Variants in GRM1 observed in about 807,000 individuals in gnomAD.
GRM1 encodes metabotropic glutamate receptor 1.
GRM1 carries 33 observed loss-of-function variants against 90.9 expected under a neutral mutation model. The observed-to-expected ratio is 0.36, with a 90% CI of 0.28 to 0.49. GRM1 has a LOEUF of 0.49. Among genes scored for constraint, GRM1 ranks in the 20% least tolerant of loss-of-function variants. The probability of loss-of-function intolerance (pLI) is 0.99; values close to 1 mark genes in which losing one functional copy is unlikely to be tolerated. For synonymous variants in GRM1, 700 were observed against 613.2 expected, an observed-to-expected ratio of 1.14 and a Z score of -2.09; for missense variants, 1,190 against 1,534.3, an observed-to-expected ratio of 0.78 and a Z score of 3.75.
intron 5 of GRM1, among the ~76,000 whole-genome samples, chr6:146,371,694 C>T (rs1156590596): frequency 1.3e-5 from 2 of 152,028 alleles, no homozygotes; most frequent in African/African-American, 2.4e-5. Context: ...TTAGATCCCG[C>T]AGATAAGTGG....
intron 2 of GRM1, among the ~76,000 whole-genome samples, chr6:146,296,939 T>A (rs1157240458): frequency 6.6e-6 from 1 of 152,210 alleles, no homozygotes; most frequent in Non-Finnish European, 1.5e-5. Flanking sequence ...ATCTTTCACA[T>A]CACCAGATGG....
chr6:146,285,613 G>T (rs1211672727), intron 2 of GRM1, among the ~76,000 whole-genome samples: 1 of 152,086 alleles, frequency 6.6e-6, no homozygotes, highest in Non-Finnish European at 1.5e-5. Flanking sequence ...TGAAAGCTAT[G>T]CTATTCTTAT....
chr6:146,295,969 C>T (rs1343544392), intron 2 of GRM1, among the ~76,000 whole-genome samples: 2 of 152,228 alleles, frequency 1.3e-5, no homozygotes, highest in Non-Finnish European at 1.5e-5. Flanking sequence ...GTGAGAACAT[C>T]CGGTATTTGG....
At chr6:146,309,969 G>A (rs971474243) in intron 3 of GRM1, among the ~76,000 whole-genome samples, 34 of 152,186 alleles carry the variant, frequency 2.2e-4, no homozygotes, top group African/African-American at 7.2e-4. Flanking sequence ...CCTCAGTGAA[G>A]TTATAGCCAT....
intron 2 of GRM1, among the ~76,000 whole-genome samples, chr6:146,177,941 T>C (rs1434876467): frequency 1.3e-5 from 2 of 152,178 alleles, no homozygotes; most frequent in Non-Finnish European, 2.9e-5. Flanking sequence ...GAAAAACTGC[T>C]AAGATAGGTC....
chr6:146,360,350 G>T (rs1239441716), intron 5 of GRM1, among the ~76,000 whole-genome samples: 1 of 151,890 alleles, frequency 6.6e-6, no homozygotes, highest in Admixed American at 6.5e-5. Flanking sequence ...AATATCTCAT[G>T]GAAGAAGAGA....
chr6:146,129,201 A>T (rs891936795), intron 1 of GRM1, among the ~76,000 whole-genome samples: 1 of 152,214 alleles, frequency 6.6e-6, no homozygotes, highest in Admixed American at 6.5e-5. Context: ...ATTTAACCAA[A>T]TAGCAATATA....
At chr6:146,074,530 C>G (rs181216764) in intron 1 of GRM1, among the ~76,000 whole-genome samples, 99 of 152,238 alleles carry the variant, frequency 6.5e-4, no homozygotes, top group Non-Finnish European at 1.1e-3. Flanking sequence ...ATGGATTTGT[C>G]AGTCGTGGGA....
rs1022027100 is a variant in GRM1, at chr6:146,435,212, C to T, written c.*416C>T. 3.0e-6 allele frequency: 1 copy of T among 331,424 alleles called. No individual in the cohort carries two copies. The highest frequency in any genetic ancestry group is 5.8e-6 in the Non-Finnish European group (1 of 172,120). The allele number at this position is 331,424 out of a possible 1,614,324, so 20.5% of individuals were successfully genotyped here. On this transcript the variant is annotated 3_prime_UTR_variant, in exon 8 of 8. Coordinates refer to ENST00000282753, the MANE Select transcript of GRM1 (RefSeq NM_001278064.2). ...GAACAGCCCACGTGGACATGCCAGT[C>T]GGATCATGAGTTCACCTGATGGCAT...
intron 2 of GRM1, among the ~76,000 whole-genome samples, chr6:146,183,490 A>T (rs944747687): frequency 2.0e-5 from 3 of 152,178 alleles, no homozygotes; most frequent in Non-Finnish European, 1.5e-5. Flanking sequence ...GGTAGAGGAG[A>T]TATATTAACT....
At chr6:146,184,277 A>G (rs1044354722) in intron 2 of GRM1, among the ~76,000 whole-genome samples, 1 of 152,132 alleles carries the variant, frequency 6.6e-6, no homozygotes, top group African/African-American at 2.4e-5. Context: ...CATTTCACTT[A>G]ATTTCCCTCC....
At chr6:146,426,465 A>G (rs1778214569) in intron 7 of GRM1, 1 of 1,142,426 alleles carries the variant, frequency 8.8e-7, no homozygotes, top group Non-Finnish European at 1.3e-6. Context: ...AGCAAGGCTC[A>G]GGGCCAGGCA....
Position 146,423,804 on chromosome 6 carries a change from T to C in GRM1, c.2661-10068T>C, listed in dbSNP as rs117148456. 2.6e-4 allele frequency among the ~76,000 whole-genome samples: 39 copies of C among 152,282 alleles called. No individual in the cohort carries two copies. In the East Asian group the frequency reaches 5.6e-3, roughly 22 times the overall value. On this transcript the variant is annotated intron_variant, in intron 7 of 7. Transcript: ENST00000282753. ...GACATCCCCAGCAGGCAGGACCAGC[T>C]GCATTGTTTGCAGGGCCCAGTGCAA...
At chr6:146,153,219 C>G (rs1309077689) in intron 1 of GRM1, among the ~76,000 whole-genome samples, 3 of 152,184 alleles carry the variant, frequency 2.0e-5, no homozygotes, top group Admixed American at 2.0e-4. Flanking sequence ...CTATTAGATA[C>G]TTGCAGTTGT....
In GRM1 at chr6:146,399,745, GTCTCTTTCTC is replaced by G. The variant is rs1777087173; in HGVS notation, c.2660+52_2660+61del. 7.7e-7 allele frequency: 1 copy of G among 1,299,686 alleles called. No homozygotes were observed. The highest frequency in any genetic ancestry group is 1.6e-5 in the African/African-American group (1 of 63,200). The allele number at this position is 1,299,686 out of a possible 1,614,324, so 80.5% of individuals were successfully genotyped here. A position where few individuals can be genotyped will look rare whatever the true frequency, so the allele number is the denominator to read the frequency against. ...GTCTCTCTTTTCTCTTCCTTTCTCT[GTCTCTTTCTC>G]TCTCTCTCTCTCTCTCTCTTTCTCT... On this transcript the variant is annotated intron_variant, in intron 7 of 7. Coordinates refer to ENST00000282753, the MANE Select transcript of GRM1 (RefSeq NM_001278064.2). This position sits in a 1 kb window ranked among gnomAD's most constrained non-coding sequence, Gnocchi z 5.4.
intron 2 of GRM1, among the ~76,000 whole-genome samples, chr6:146,228,473 G>A (rs576529848): frequency 6.6e-6 from 1 of 152,178 alleles, no homozygotes; most frequent in African/African-American, 2.4e-5. Flanking sequence ...ATTCCTGAAG[G>A]CTCCACCCTC....
chr6:146,370,761 G>T (rs1775867710), intron 5 of GRM1, among the ~76,000 whole-genome samples: 1 of 151,628 alleles, frequency 6.6e-6, no homozygotes, highest in South Asian at 2.1e-4. Context: ...CTTGACTGAG[G>T]CTTGTGCAAG....
At chr6:146,409,753 A>G (rs1777491563) in intron 7 of GRM1, among the ~76,000 whole-genome samples, 1 of 152,204 alleles carries the variant, frequency 6.6e-6, no homozygotes, top group African/African-American at 2.4e-5. Flanking sequence ...CTATAATAAC[A>G]TTTTATTTCA....
rs536429687 is a variant in GRM1, at chr6:146,086,435, G to T, written c.700+56218G>T. Among the ~76,000 whole-genome samples, 26 of 152,166 alleles carry T rather than the reference G, an allele frequency of 1.7e-4. No homozygotes were observed. The South Asian group carries it at 5.2e-3, about 30-fold the overall frequency. On this transcript the variant is annotated intron_variant, in intron 1 of 7. Coordinates refer to ENST00000282753, the MANE Select transcript of GRM1 (RefSeq NM_001278064.2). Reference sequence around the variant, plus strand: ...GCCAGACTACTCTGTAAGAGAAAGGGTGCTCATTTGCTCATTGCCAAAGCT... The same window carrying T: ...GCCAGACTACTCTGTAAGAGAAAGGTTGCTCATTTGCTCATTGCCAAAGCT...
Sources: gnomAD v4.1 joint callset for allele counts (sites outside exome capture counted in the v4.1 genomes callset) on GRCh38, gnomAD v4.1.1 for gene constraint, Gnocchi (gnomAD v3.1) non-coding constraint, MANE v1.5 for transcripts, NCBI Gene and HGNC (gene_info 2026-07-23, HGNC 2026-07-21) for gene names.